RXRA: variants seen among roughly 807,000 people sequenced by gnomAD.
The protein encoded by RXRA is retinoid X receptor alpha, also known as retinoic acid receptor RXR-alpha.
A neutral mutation model predicts 44.5 loss-of-function variants in RXRA; 5 were observed. That is an observed-to-expected ratio of 0.11 (90% CI 0.06 to 0.24). RXRA has a LOEUF of 0.24. RXRA is among the 10% of genes least tolerant of loss of function. The probability of loss-of-function intolerance (pLI) is 1.00; values close to 1 mark genes in which losing one functional copy is unlikely to be tolerated. For synonymous variants in RXRA, 291 were observed against 271.4 expected (o/e 1.07, Z -0.71); for missense variants, 412 against 646.5 (o/e 0.64, Z 3.93).
rs768547528 is a variant in RXRA, at chr9:134,429,145, C to T, written c.948C>T (p.Arg316=). The change falls in exon 7 of 10, where the codon CGC becomes CGT. Residue 316 remains arginine (R), a synonymous_variant. Transcript: ENST00000481739. ...NELLIASFSH[R]SIAVKDGILL... ...TGCTCATCGCCTCCTTCTCCCACCG[C>T]TCCATCGCCGTGAAGGACGGGATCC... 3.1e-6 allele frequency: 5 copies of T among 1,613,016 alleles called. No individual in the cohort carries two copies. Among genetic ancestry groups the T allele is most frequent in the Non-Finnish European group, 3.4e-6 (4 of 1,180,004 alleles).
In RXRA at chr9:134,433,662, G is replaced by A. The variant is rs34484722; in HGVS notation, c.1136-440G>A. On this transcript the variant is annotated intron_variant, in intron 8 of 9. Coordinates refer to ENST00000481739, the MANE Select transcript of RXRA (RefSeq NM_002957.6). The surrounding 1 kb of genome is among the most constrained non-coding windows in gnomAD (Gnocchi z 4.2). ...GCAAGCACACCGAGGATGGGTTTCC[G>A]CAGGGTCTGGGTACTCCTGGGGGCA... Among the ~76,000 whole-genome samples, 4 of 152,242 alleles carry A rather than the reference G, an allele frequency of 2.6e-5. No individual in the cohort carries two copies. The highest frequency in any genetic ancestry group is 1.9e-4 in the East Asian group (1 of 5,180).
At chr9:134,399,523 G>C (rs73556249) in intron 1 of RXRA, among the ~76,000 whole-genome samples, 20,300 of 152,204 alleles carry the variant, frequency 0.13, 4,446 homozygotes, top group African/African-American at 0.46. Flanking sequence ...TTCTGCACCT[G>C]GGGATTCTGG....
At chr9:134,357,438 T>C (rs753933446) in intron 1 of RXRA, among the ~76,000 whole-genome samples, 22 of 152,258 alleles carry the variant, frequency 1.4e-4, no homozygotes, top group South Asian at 4.1e-4. Context: ...AGGCGCTTTG[T>C]GGGCCTCAGA....
intron 1 of RXRA, among the ~76,000 whole-genome samples, chr9:134,370,206 G>A (rs1159255576): frequency 6.6e-6 from 1 of 152,174 alleles, no homozygotes; most frequent in African/African-American, 2.4e-5. Flanking sequence ...AGGCCCTGTG[G>A]GGTGGTGTCC....
intron 1 of RXRA, 59 bp downstream of exon 1, chr9:134,326,718 A>C: frequency 3.1e-6 from 1 of 323,818 alleles, no homozygotes; most frequent in Non-Finnish European, 4.1e-6. Flanking sequence ...GGCGGGCGGG[A>C]GGGGGCCGGG....
chr9:134,377,757 T>C (rs539630315), intron 1 of RXRA, among the ~76,000 whole-genome samples: 1 of 152,296 alleles, frequency 6.6e-6, no homozygotes, highest in African/African-American at 2.4e-5. Context: ...ACCGTCTGTG[T>C]GTGCGTTTTG....
chr9:134,435,459 C>G lies in RXRA; in HGVS notation c.1242-1008C>G, dbSNP rs1001878702. 2.0e-5 allele frequency among the ~76,000 whole-genome samples: 3 copies of G among 151,522 alleles called. No homozygotes were observed. In the East Asian group the frequency reaches 5.9e-4, roughly 30 times the overall value. On this transcript the variant is annotated intron_variant, in intron 9 of 9. Transcript: ENST00000481739. ...ATGGGCCAGGCCCTGAGGACCAACC[C>G]GTGCTCCCTCCCTCCCCGGCCAGCC... is the stretch of plus-strand genomic sequence containing the variant.
chr9:134,345,573 C>A (rs1830140069), intron 1 of RXRA, among the ~76,000 whole-genome samples: 1 of 152,198 alleles, frequency 6.6e-6, no homozygotes, highest in South Asian at 2.1e-4. Flanking sequence ...GGCCTGGCTG[C>A]ACCCACTAGG....
At chr9:134,424,390 C>G (rs764675993) in intron 6 of RXRA, 3 of 985,320 alleles carry the variant, frequency 3.0e-6, no homozygotes, top group East Asian at 2.3e-4. Context: ...GAGTGGGACT[C>G]CCAGCCTGAC....
At chr9:134,353,716 A>G (rs969362745) in intron 1 of RXRA, among the ~76,000 whole-genome samples, 1 of 152,212 alleles carries the variant, frequency 6.6e-6, no homozygotes, top group African/African-American at 2.4e-5. Flanking sequence ...CCTGGCAGGC[A>G]GGAGAGGGAA....
In RXRA at chr9:134,426,781, A is replaced by G. The variant is rs761162328; in HGVS notation, c.911-2327A>G. ...GGGAGAGAGGCAGGCCCGAGAGGCC[A>G]GGACTGGCCAGGGATGGTGGGTTTG... On this transcript the variant is annotated intron_variant, in intron 6 of 9. Transcript: ENST00000481739. This position sits in a 1 kb window ranked among gnomAD's most constrained non-coding sequence, Gnocchi z 4.6. The G allele has an allele frequency of 4.7e-5, 46 of 985,288 alleles. No homozygotes were observed. Among genetic ancestry groups the G allele is most frequent in the Non-Finnish European group, 5.3e-5 (44 of 829,928 alleles). The allele number at this position is 985,288 out of a possible 1,614,324, so 61.0% of individuals were successfully genotyped here.
intron 1 of RXRA, among the ~76,000 whole-genome samples, chr9:134,339,108 C>G (rs1176571574): frequency 7.4e-6 from 1 of 135,544 alleles, no homozygotes; most frequent in Admixed American, 7.5e-5. Context: ...GTGGTCACCC[C>G]CCCTGGGGTT....
At chr9:134,409,737 G>A (rs1371649945) in intron 4 of RXRA, among the ~76,000 whole-genome samples, 1 of 152,174 alleles carries the variant, frequency 6.6e-6, no homozygotes, top group Admixed American at 6.5e-5. Context: ...TCCCTCTCAG[G>A]TTTGGCGATT....
Position 134,426,232 on chromosome 9 carries a change from G to T in RXRA, c.911-2876G>T, listed in dbSNP as rs766039730. On this transcript the variant is annotated intron_variant, in intron 6 of 9. Coordinates refer to ENST00000481739, the MANE Select transcript of RXRA (RefSeq NM_002957.6). This position sits in a 1 kb window ranked among gnomAD's most constrained non-coding sequence, Gnocchi z 4.6. ...GAGGTCCTCCTTCTGAAAGGCCAGC[G>T]CACCCTGAGCCGTTTAAAGCTGTGT... is the stretch of plus-strand genomic sequence containing the variant. The T allele has an allele frequency of 1.0e-6, 1 of 985,296 alleles. No homozygotes were observed. The highest frequency in any genetic ancestry group is 4.7e-5 in the South Asian group (1 of 21,296). 61.0% of individuals were successfully genotyped at this position (985,296 alleles called of 1,614,324 possible). A position where few individuals can be genotyped will look rare whatever the true frequency, so the allele number is the denominator to read the frequency against.
chr9:134,425,919 G>A (rs1564296676), intron 6 of RXRA: 1 of 985,296 alleles, frequency 1.0e-6, no homozygotes, highest in Non-Finnish European at 1.2e-6. Flanking sequence ...GTGGCTCAGA[G>A]GTGAGACAGG....
At chr9:134,361,314 A>G (rs1055375445) in intron 1 of RXRA, among the ~76,000 whole-genome samples, 7 of 152,068 alleles carry the variant, frequency 4.6e-5, no homozygotes. Context: ...CCTGCCTGCC[A>G]TGCCTCCTCC....
chr9:134,397,917 C>T (rs568415927), intron 1 of RXRA, among the ~76,000 whole-genome samples: 5 of 152,132 alleles, frequency 3.3e-5, no homozygotes, highest in African/African-American at 7.2e-5. Flanking sequence ...TGGAGGGCCA[C>T]GGAAGTCAGT....
chr9:134,409,780 T>G (rs1178763227), intron 4 of RXRA, among the ~76,000 whole-genome samples: 1 of 152,182 alleles, frequency 6.6e-6, no homozygotes, highest in Non-Finnish European at 1.5e-5. Flanking sequence ...GGGTCATGGT[T>G]TGCACACACG....
intron 6 of RXRA, chr9:134,427,176 A>C (rs935491953): frequency 5.1e-6 from 5 of 984,434 alleles, no homozygotes; most frequent in South Asian, 9.4e-5. Context: ...AAAACAAAAA[A>C]AAAAAAAAGA....
Sources: gnomAD v4.1 joint callset for allele counts (sites outside exome capture counted in the v4.1 genomes callset) on GRCh38, gnomAD v4.1.1 for gene constraint, Gnocchi (gnomAD v3.1) non-coding constraint, MANE v1.5 for transcripts, NCBI Gene and HGNC (gene_info 2026-07-23, HGNC 2026-07-21) for gene names.